Variants in PALMD observed in about 807,000 individuals in gnomAD.
The protein encoded by PALMD is palmdelphin.
PALMD carries 42 observed loss-of-function variants against 56.2 expected under a neutral mutation model. The ratio of observed to expected loss-of-function variants is 0.75; its 90% CI spans 0.58 to 0.97. PALMD has a LOEUF of 0.97. Among genes scored for constraint, PALMD ranks in the 50% least tolerant of loss-of-function variants. The pLI is 0.00. For missense variants in PALMD, 660 were observed against 643.8 expected, an observed-to-expected ratio of 1.03 and a Z score of -0.27; for synonymous variants, 242 against 222.9, an observed-to-expected ratio of 1.09 and a Z score of -0.76.
rs1248606661 is a variant in PALMD at position 99,662,346 on chromosome 1, T to C, written c.73T>C (p.Ser25Pro). 6.4e-7 allele frequency: 1 copy of C among 1,571,628 alleles called. No homozygotes were observed. Among genetic ancestry groups the C allele is most frequent in the Admixed American group, 1.7e-5 (1 of 58,232 alleles). Residue 25 changes from serine (S) to proline (P), a missense_variant, in exon 2 of 8, where the codon TCA becomes CCA. Transcript: ENST00000263174. The stretch of plus-strand genomic sequence containing the variant: ...TAAAAGAAAAATACAGGAAGAAATC[T>C]CACAGAAGCGTCTGAAAATAGAGGA... ...TDKRKIQEEISQKRLKIEEDK... is the reference protein window; with the variant it reads ...TDKRKIQEEIPQKRLKIEEDK...
At chr1:99,665,958 G>A (rs1172786949) in intron 2 of PALMD, among the ~76,000 whole-genome samples, 1 of 152,138 alleles carries the variant, frequency 6.6e-6, no homozygotes, top group Non-Finnish European at 1.5e-5. Flanking sequence ...TAACACTGGG[G>A]TAAAGAATCT....
intron 3 of PALMD, among the ~76,000 whole-genome samples, chr1:99,672,811 C>T (rs1444956786): frequency 1.3e-5 from 2 of 152,152 alleles, no homozygotes; most frequent in Non-Finnish European, 2.9e-5. Context: ...ACTGCATTCC[C>T]TTTGGGAAGG....
rs772332206 is a variant in PALMD at position 99,688,956 on chromosome 1, T to C, written c.696T>C (p.Asp232=). The C allele has an allele frequency of 5.3e-5, 86 of 1,613,502 alleles. No homozygotes were observed. Among genetic ancestry groups the C allele is most frequent in the Non-Finnish European group, 6.8e-5 (80 of 1,179,670 alleles). ...SNHSAAYNGT[D]GLAPVEVEEL... is the part of the protein sequence containing the mutation. ...ACAGTGCAGCATACAATGGCACCGA[T>C]GGCCTGGCACCAGTTGAAGTAGAGG... The change falls in exon 7 of 8, where the codon GAT becomes GAC. Residue 232 remains aspartate, a synonymous_variant. Coordinates refer to ENST00000263174, the MANE Select transcript of PALMD (RefSeq NM_017734.5).
chr1:99,688,634 A>G, intron 6 of PALMD, 141 bp from the exon 7 acceptor site: 1 of 590,144 alleles, frequency 1.7e-6, no homozygotes, highest in South Asian at 2.3e-5. Context: ...AATGAGTAAA[A>G]TCAGAAATTT....
intron 3 of PALMD, among the ~76,000 whole-genome samples, chr1:99,680,052 A>G (rs1002058008): frequency 2.0e-5 from 3 of 152,202 alleles, no homozygotes; most frequent in Non-Finnish European, 4.4e-5. Context: ...CATGAGTTCC[A>G]ATCTGTTTGG....
chr1:99,663,716 A>T (rs1652904074), intron 2 of PALMD, among the ~76,000 whole-genome samples: 1 of 152,150 alleles, frequency 6.6e-6, no homozygotes, highest in East Asian at 1.9e-4. Context: ...TCCTTGCAGA[A>T]TGGGTAGCCA....
At chr1:99,659,885 C>T (rs12064968) in intron 1 of PALMD, among the ~76,000 whole-genome samples, 1,626 of 152,274 alleles carry the variant, frequency 0.011, 30 homozygotes, top group African/African-American at 0.037. Context: ...TTAGTATTCC[C>T]TAGCAACCCT....
chr1:99,686,646 G>C (rs976370023), intron 3 of PALMD, 30 bp from the exon 4 acceptor site: 12 of 1,127,888 alleles, frequency 1.1e-5, no homozygotes, highest in Non-Finnish European at 1.6e-5. Context: ...ACTGTGTTAA[G>C]CAATAAAAAG....
intron 1 of PALMD, among the ~76,000 whole-genome samples, chr1:99,651,821 G>T (rs1652593173): frequency 6.6e-6 from 1 of 152,212 alleles, no homozygotes; most frequent in Non-Finnish European, 1.5e-5. Context: ...AAGAGGTAGA[G>T]CTAGGTTATC....
intron 3 of PALMD, among the ~76,000 whole-genome samples, chr1:99,676,816 T>C (rs147327497): frequency 4.6e-5 from 7 of 152,280 alleles, no homozygotes; most frequent in Non-Finnish European, 8.8e-5. Context: ...CCTTCTAATA[T>C]ATTACATGAC....
At chr1:99,646,710 A>AG (rs1652452211) in intron 1 of PALMD, among the ~76,000 whole-genome samples, 1 of 152,256 alleles carries the variant, frequency 6.6e-6, no homozygotes, top group Admixed American at 6.5e-5. Context: ...AGATAAAAAA[A>AG]CAGATCCCCA....
chr1:99,647,718 CTTTAT>C (rs1652474510), intron 1 of PALMD, among the ~76,000 whole-genome samples: 8 of 152,294 alleles, frequency 5.3e-5, no homozygotes, highest in African/African-American at 1.7e-4. Flanking sequence ...CTAAAGGTTA[CTTTAT>C]TAGACTGCGT....
At chr1:99,680,228 T>C (rs1452060545) in intron 3 of PALMD, among the ~76,000 whole-genome samples, 4 of 152,144 alleles carry the variant, frequency 2.6e-5, no homozygotes, top group Non-Finnish European at 5.9e-5. Flanking sequence ...AAAAATTGCA[T>C]GTTGGAATTG....
At chr1:99,661,765 T>C (rs1259487742) in intron 1 of PALMD, among the ~76,000 whole-genome samples, 1 of 152,224 alleles carries the variant, frequency 6.6e-6, no homozygotes, top group Non-Finnish European at 1.5e-5. Context: ...TTACCTGAGC[T>C]AAAAGCCTTC....
At chr1:99,670,493 G>A (rs1172566151) in intron 3 of PALMD, among the ~76,000 whole-genome samples, 1 of 152,140 alleles carries the variant, frequency 6.6e-6, no homozygotes, top group Non-Finnish European at 1.5e-5. Context: ...GTAAAGGGTA[G>A]ACTTAGATCT....
chr1:99,680,043 A>T (rs755696094), intron 3 of PALMD, among the ~76,000 whole-genome samples: 11 of 152,204 alleles, frequency 7.2e-5, no homozygotes, highest in Non-Finnish European at 1.3e-4. Flanking sequence ...TTTTCCCCTC[A>T]TGAGTTCCAA....
At position 99,680,208 on chromosome 1, in the gene PALMD, T is replaced by C. The variant is rs1025141891; in HGVS notation, c.252-6468T>C. On this transcript the variant is annotated intron_variant, in intron 3 of 7. Transcript: ENST00000263174. ...TCCAGCATTTATGTGCTGTCCTTTTTTCCAAGACAAAAAATTGCATGTTGG... is the reference window on the plus strand; with the variant it reads ...TCCAGCATTTATGTGCTGTCCTTTTCTCCAAGACAAAAAATTGCATGTTGG... Among the ~76,000 whole-genome samples, 3 of 152,260 alleles carry C rather than the reference T, an allele frequency of 2.0e-5. No homozygotes were observed. In the South Asian group the frequency reaches 6.2e-4, roughly 32 times the overall value.
intron 6 of PALMD, among the ~76,000 whole-genome samples, chr1:99,688,046 G>A (rs1653556080): frequency 6.6e-6 from 1 of 152,104 alleles, no homozygotes; most frequent in Non-Finnish European, 1.5e-5. Context: ...ATCTTACTTA[G>A]GTCATGAAGC....
At chr1:99,684,988 T>C (rs1653454276) in intron 3 of PALMD, 2 of 152,220 alleles carry the variant, frequency 1.3e-5, no homozygotes, top group South Asian at 2.1e-4. Context: ...AGGCTTTCCT[T>C]TGTAGACTGT....
Sources: gnomAD v4.1 joint callset for allele counts (sites outside exome capture counted in the v4.1 genomes callset) on GRCh38, gnomAD v4.1.1 for gene constraint, MANE v1.5 for transcripts, NCBI Gene and HGNC (gene_info 2026-07-23, HGNC 2026-07-21) for gene names.